The following TRAM1 variants were observed in gnomAD, a reference collection of about 807,000 sequenced individuals.
TRAM1 encodes the protein translocation associated membrane protein 1.
A neutral mutation model predicts 48.7 loss-of-function variants in TRAM1; 17 were observed. The ratio of observed to expected loss-of-function variants is 0.35; its 90% CI spans 0.24 to 0.52. The LOEUF (loss-of-function observed/expected upper bound fraction) is 0.52, where lower values mean the gene tolerates loss of function less well. TRAM1 is among the 20% of genes least tolerant of loss of function. The pLI is 0.94. For synonymous variants in TRAM1, 182 were observed against 154.0 expected, an observed-to-expected ratio of 1.18 and a Z score of -1.34; for missense variants, 351 against 441.5, an observed-to-expected ratio of 0.79 and a Z score of 1.84.
chr8:70,600,182 A>C, intron 1 of TRAM1, 100 bp from the exon 2 acceptor site: 6 of 865,490 alleles, frequency 6.9e-6, no homozygotes, highest in Non-Finnish European at 1.1e-5. Context: ...AAATCGAAGC[A>C]CCAAGGGCCT....
At chr8:70,584,949 C>T (rs2132029554) in intron 8 of TRAM1, among the ~76,000 whole-genome samples, 1 of 152,094 alleles carries the variant, frequency 6.6e-6, no homozygotes, top group Admixed American at 6.5e-5. Flanking sequence ...CATATGGAAC[C>T]AAAAAAGAGC....
At chr8:70,575,204 A>C (rs1816920283) in intron 10 of TRAM1, among the ~76,000 whole-genome samples, 199 bp from the exon 11 acceptor site, 1 of 152,224 alleles carries the variant, frequency 6.6e-6, no homozygotes, top group Non-Finnish European at 1.5e-5. Context: ...TTAAAAGAAA[A>C]CTACTATTAA....
At chr8:70,578,452 T>A (rs1817007045) in intron 10 of TRAM1, among the ~76,000 whole-genome samples, 1 of 152,144 alleles carries the variant, frequency 6.6e-6, no homozygotes, top group Non-Finnish European at 1.5e-5. Flanking sequence ...CTGGGTAACA[T>A]GGTGAAATCC....
At chr8:70,576,441 A>G (rs1327296752) in intron 10 of TRAM1, among the ~76,000 whole-genome samples, 1 of 152,244 alleles carries the variant, frequency 6.6e-6, no homozygotes, top group Non-Finnish European at 1.5e-5. Flanking sequence ...TGTTAACAGG[A>G]TAACGAAAGT....
chr8:70,606,102 G>T (rs940068735), intron 1 of TRAM1, among the ~76,000 whole-genome samples: 2 of 152,156 alleles, frequency 1.3e-5, no homozygotes, highest in Non-Finnish European at 2.9e-5. Context: ...ACAGAAAATT[G>T]AATATACTAC....
intron 6 of TRAM1, among the ~76,000 whole-genome samples, chr8:70,589,713 C>T (rs188522825): frequency 1.3e-5 from 2 of 152,184 alleles, no homozygotes; most frequent in Non-Finnish European, 2.9e-5. Flanking sequence ...TGGTGCATGC[C>T]TGTACTTCCA....
intron 1 of TRAM1, among the ~76,000 whole-genome samples, chr8:70,603,242 TTATA>T (rs35283143): frequency 0.027 from 4,036 of 150,730 alleles, 163 homozygotes; most frequent in African/African-American, 0.094. Context: ...TTTAGATTTT[TTATA>T]TATATATATA....
intron 8 of TRAM1, 58 bp downstream of exon 8, chr8:70,586,837 G>A: frequency 7.1e-7 from 1 of 1,404,288 alleles, no homozygotes; most frequent in East Asian, 2.3e-5. Flanking sequence ...TCTTGGCAAT[G>A]TTAGGCACTG....
intron 8 of TRAM1, among the ~76,000 whole-genome samples, chr8:70,586,105 G>A (rs1174731930): frequency 6.6e-6 from 1 of 151,772 alleles, no homozygotes; most frequent in East Asian, 1.9e-4. Flanking sequence ...AAAAAATGAA[G>A]AGTTCATGTC....
At position 70,579,744 on chromosome 8, in the gene TRAM1, C is replaced by A. The variant is rs1033261641; in HGVS notation, c.1051+3420G>T. Among the ~76,000 whole-genome samples, 8 of 152,136 alleles carry A rather than the reference C, an allele frequency of 5.3e-5. No individual in the cohort carries two copies. In the East Asian group the frequency reaches 1.5e-3, roughly 29 times the overall value. ...GAATAAAGGGCATCTACAGACCATT[C>A]TTAATAATGAAATACCGAAAGGTCT... On this transcript the variant is annotated intron_variant, in intron 10 of 10. Transcript: ENST00000262213.
chr8:70,595,917 G>A (rs931252157), intron 5 of TRAM1, among the ~76,000 whole-genome samples: 1 of 152,080 alleles, frequency 6.6e-6, no homozygotes, highest in Non-Finnish European at 1.5e-5. Context: ...GATGTGAAAA[G>A]AGACAGGGGG....
intron 2 of TRAM1, 70 bp from the exon 3 acceptor site, chr8:70,598,325 A>G (rs1056217099): frequency 5.6e-6 from 8 of 1,425,232 alleles, no homozygotes; most frequent in South Asian, 1.5e-5. Flanking sequence ...TAAGTACAAC[A>G]TAGTTATGGA....
chr8:70,584,021 T>A (rs558279533), intron 8 of TRAM1, among the ~76,000 whole-genome samples: 17 of 151,794 alleles, frequency 1.1e-4, no homozygotes, highest in African/African-American at 3.4e-4. Context: ...CTCAAAAAAA[T>A]AAATAAATAA....
At position 70,574,817 on chromosome 8, in the gene TRAM1, A is replaced by G; in HGVS notation, c.*115T>C. On this transcript the variant is annotated 3_prime_UTR_variant, in exon 11 of 11. Transcript: ENST00000262213. ...AAAAAAATGCATGAAACCGTACAAT[A>G]GCAAAAATCAAAGAGCACAGACTGT... The G allele has an allele frequency of 1.3e-6, 1 of 760,400 alleles. No homozygotes were observed. Among genetic ancestry groups the G allele is most frequent in the South Asian group, 1.7e-5 (1 of 57,704 alleles). 47.1% of individuals were successfully genotyped at this position (760,400 alleles called of 1,614,324 possible). A position where few individuals can be genotyped will look rare whatever the true frequency, so the allele number is the denominator to read the frequency against.
At chr8:70,607,924 C>T in intron 1 of TRAM1, 153 bp downstream of exon 1, 1 of 929,736 alleles carries the variant, frequency 1.1e-6, no homozygotes, top group East Asian at 3.4e-5. Flanking sequence ...TGGGGCAGGG[C>T]AGGGAAGGCC....
In TRAM1 at chr8:70,587,125, C is replaced by T. The variant is rs145890664; in HGVS notation, c.622G>A (p.Ala208Thr). 7.0e-4 allele frequency: 1,124 copies of T among 1,613,966 alleles called. 1 individual carries two copies. Among genetic ancestry groups the T allele is most frequent in the Non-Finnish European group, 8.6e-4 (1,018 of 1,179,916 alleles). ...VYIGLYLFHI[A>T]GAYLLNLNHL... Reference sequence around the variant, plus strand: ...ACTCACTTCAAAAGGTAAGCTCCAGCAATGTGGAAGAGGTAAAGACCAATG... The same window carrying T: ...ACTCACTTCAAAAGGTAAGCTCCAGTAATGTGGAAGAGGTAAAGACCAATG... The change falls in exon 7 of 11, where the codon GCT becomes ACT. Residue 208 changes from alanine to threonine, a missense_variant. By Grantham distance (58) the Ala-to-Thr change is moderately conservative. Coordinates refer to ENST00000262213, the MANE Select transcript of TRAM1 (RefSeq NM_014294.6).
chr8:70,600,063 A>G lies in TRAM1; in HGVS notation c.143T>C (p.Ile48Thr), dbSNP rs764413582. The G allele has an allele frequency of 1.9e-6, 3 of 1,613,900 alleles. No individual in the cohort carries two copies. In the East Asian group the frequency reaches 6.7e-5, roughly 36 times the overall value. Residue 48 changes from isoleucine (I) to threonine (T), a missense_variant, in exon 2 of 11, where the codon ATC becomes ACC. Coordinates refer to ENST00000262213, the MANE Select transcript of TRAM1 (RefSeq NM_014294.6). ...ATTGTACTGAAGAGTAACAAAAATG[A>G]TAGAAGCTTTTGCCGTTATCTACAA... ...LMFEITAKAS[I>T]IFVTLQYNVT...
At chr8:70,599,991 T>C (rs747362394) in intron 2 of TRAM1, 28 bp downstream of exon 2, 4 of 1,592,278 alleles carry the variant, frequency 2.5e-6, no homozygotes, top group Non-Finnish European at 3.4e-6. Context: ...TCTATTTACG[T>C]AGAAAATTCT....
chr8:70,576,680 C>T (rs1200811589), intron 10 of TRAM1, among the ~76,000 whole-genome samples: 2 of 152,208 alleles, frequency 1.3e-5, no homozygotes, highest in African/African-American at 4.8e-5. Flanking sequence ...GCAGCGGCAG[C>T]CCCTGTGGAG....
Sources: allele counts gnomAD v4.1 joint callset (sites outside exome capture counted in the v4.1 genomes callset), GRCh38; gene constraint gnomAD v4.1.1; transcripts MANE v1.5; gene names NCBI Gene and HGNC (gene_info 2026-07-23, HGNC 2026-07-21).